Variants in TCERG1L observed in about 807,000 individuals in gnomAD.
TCERG1L encodes the protein transcription elongation regulator 1-like protein.
In TCERG1L, 37 loss-of-function variants were observed where a neutral mutation model predicts 56.3. The ratio of observed to expected loss-of-function variants is 0.66; its 90% confidence interval spans 0.51 to 0.87. The LOEUF (loss-of-function observed/expected upper bound fraction) is 0.87. Ranked by LOEUF, TCERG1L falls within the 40% of genes least tolerant of loss-of-function variation. TCERG1L has a pLI of 0.00. For synonymous variants in TCERG1L, 324 were observed against 326.3 expected (o/e 0.99, Z 0.08); for missense variants, 799 against 774.2 (o/e 1.03, Z -0.38).
chr10:131,256,973 GA>G (rs796363742), intron 4 of TCERG1L, among the ~76,000 whole-genome samples: 1 of 67,214 alleles, frequency 1.5e-5, no homozygotes, highest in African/African-American at 5.2e-5. Flanking sequence ...AGGAAGGAAG[GA>G]AGGAAGGAAG....
intron 3 of TCERG1L, among the ~76,000 whole-genome samples, chr10:131,261,293 T>G (rs1272223864): frequency 2.0e-5 from 3 of 152,258 alleles, no homozygotes; most frequent in African/African-American, 7.2e-5. Context: ...TTTATATGGA[T>G]GGTGGAAACT....
At chr10:131,250,121 G>A (rs1028027438) in intron 4 of TCERG1L, among the ~76,000 whole-genome samples, 3 of 152,192 alleles carry the variant, frequency 2.0e-5, no homozygotes, top group East Asian at 1.9e-4. Context: ...AGCTGCATGC[G>A]GCGTGCACGC....
intron 4 of TCERG1L, among the ~76,000 whole-genome samples, chr10:131,184,006 G>A (rs2133455091): frequency 6.6e-6 from 1 of 152,282 alleles, no homozygotes; most frequent in South Asian, 2.1e-4. Flanking sequence ...GCCAACCTTG[G>A]GGGTTGCCCT....
At chr10:131,228,182 C>T (rs1409233800) in intron 4 of TCERG1L, among the ~76,000 whole-genome samples, 1 of 150,024 alleles carries the variant, frequency 6.7e-6, no homozygotes, top group Non-Finnish European at 1.5e-5. Flanking sequence ...CAGGCATTTC[C>T]TCAAGGCCTC....
chr10:131,275,293 C>T (rs1028721144), intron 3 of TCERG1L, among the ~76,000 whole-genome samples: 1 of 152,158 alleles, frequency 6.6e-6, no homozygotes, highest in African/African-American at 2.4e-5. Context: ...AATGTCTAAT[C>T]GAGTCACCGG....
chr10:131,215,295 A>G (rs1845658903), intron 4 of TCERG1L, among the ~76,000 whole-genome samples: 1 of 152,208 alleles, frequency 6.6e-6, no homozygotes, highest in Admixed American at 6.5e-5. Context: ...GGCTCATGAG[A>G]GAAGATAGTC....
intron 4 of TCERG1L, among the ~76,000 whole-genome samples, chr10:131,257,257 CG>C (rs1177946954): frequency 2.0e-5 from 3 of 152,022 alleles, no homozygotes; most frequent in Non-Finnish European, 4.4e-5. Context: ...AACAGATCCC[CG>C]TGAAGCAGAG....
chr10:131,258,273 T>C (rs1846195195), intron 4 of TCERG1L, among the ~76,000 whole-genome samples: 1 of 152,242 alleles, frequency 6.6e-6, no homozygotes, highest in Non-Finnish European at 1.5e-5. Flanking sequence ...ACAGCCCGAA[T>C]GGCGCAGATA....
At chr10:131,183,062 C>T (rs1477010737) in intron 4 of TCERG1L, among the ~76,000 whole-genome samples, 1 of 152,170 alleles carries the variant, frequency 6.6e-6, no homozygotes. Flanking sequence ...AACCACCCAT[C>T]ACTTGAAAGA....
chr10:131,162,865 G>A (rs1372353864), intron 6 of TCERG1L: 3 of 349,956 alleles, frequency 8.6e-6, no homozygotes, highest in African/African-American at 6.3e-5. Context: ...TTCGCTGATA[G>A]ACATGCAACA....
chr10:131,204,418 A>T (rs1302427177), intron 4 of TCERG1L, among the ~76,000 whole-genome samples: 1 of 116,206 alleles, frequency 8.6e-6, no homozygotes, highest in African/African-American at 3.3e-5. Context: ...CTGCCCCCGC[A>T]TCTACATGGC....
intron 4 of TCERG1L, among the ~76,000 whole-genome samples, chr10:131,229,227 G>C (rs1027990081): frequency 6.6e-6 from 1 of 152,232 alleles, no homozygotes; most frequent in South Asian, 2.1e-4. Flanking sequence ...CTTCTGCTTT[G>C]ACTCTGGGCC....
chr10:131,246,241 G>A (rs1014472595), intron 4 of TCERG1L, among the ~76,000 whole-genome samples: 13 of 152,224 alleles, frequency 8.5e-5, no homozygotes, highest in Admixed American at 6.5e-5. Flanking sequence ...CTTTCTGGGG[G>A]TGGCACGAGC....
chr10:131,208,303 C>G (rs1845567070), intron 4 of TCERG1L, among the ~76,000 whole-genome samples: 1 of 152,236 alleles, frequency 6.6e-6, no homozygotes, highest in Admixed American at 6.5e-5. Context: ...TGCCTATCAT[C>G]TGTGTCACCC....
At chr10:131,181,127 A>G (rs2918153) in intron 4 of TCERG1L, among the ~76,000 whole-genome samples, 75,996 of 152,068 alleles carry the variant, frequency 0.5, 20,262 homozygotes, top group African/African-American at 0.69. Context: ...TCCCTGATCT[A>G]CGTGGTTGAA....
intron 4 of TCERG1L, among the ~76,000 whole-genome samples, chr10:131,208,377 C>T (rs912830184): frequency 6.6e-6 from 1 of 152,220 alleles, no homozygotes; most frequent in African/African-American, 2.4e-5. Context: ...AACATGGCTG[C>T]TCCTCAGCTC....
chr10:131,254,844 A>C (rs1191109560), intron 4 of TCERG1L, among the ~76,000 whole-genome samples: 2 of 152,172 alleles, frequency 1.3e-5, no homozygotes, highest in African/African-American at 4.8e-5. Context: ...ACCACAGGAG[A>C]AACAAGTGTT....
intron 6 of TCERG1L, among the ~76,000 whole-genome samples, chr10:131,150,040 G>A (rs1845846202): frequency 6.6e-6 from 1 of 152,194 alleles, no homozygotes; most frequent in Non-Finnish European, 1.5e-5. Flanking sequence ...GCTGCAACTG[G>A]TCTGAGTGGC....
At chr10:131,174,089 T>A (rs1235061558) in intron 4 of TCERG1L, among the ~76,000 whole-genome samples, 1 of 152,092 alleles carries the variant, frequency 6.6e-6, no homozygotes, top group Non-Finnish European at 1.5e-5. Flanking sequence ...CTCTGGTCCA[T>A]CCCCACATCT....
Sources: allele counts gnomAD v4.1 joint callset (sites outside exome capture counted in the v4.1 genomes callset), GRCh38; gene constraint gnomAD v4.1.1; transcripts MANE v1.5; gene names NCBI Gene and HGNC (gene_info 2026-07-23, HGNC 2026-07-21).